The following TEX9 variants were observed in gnomAD, a reference collection of about 807,000 sequenced individuals.
The protein encoded by TEX9 is testis-expressed protein 9.
TEX9 carries 74 observed loss-of-function variants against 59.6 expected under a neutral mutation model. The ratio of observed to expected loss-of-function variants is 1.24; its 90% confidence interval spans 1.03 to 1.51. The LOEUF (loss-of-function observed/expected upper bound fraction) is 1.51. Ranked by LOEUF, TEX9 falls within the 40% of genes most tolerant of loss-of-function variation. The probability of loss-of-function intolerance (pLI) is 0.00; values close to 1 mark genes in which losing one functional copy is unlikely to be tolerated. For missense variants in TEX9, 522 were observed against 447.8 expected (o/e 1.17, Z -1.49); for synonymous variants, 186 against 152.2 (o/e 1.22, Z -1.64).
intron 1 of TEX9, among the ~76,000 whole-genome samples, chr15:56,256,776 G>A (rs1272843719): frequency 6.6e-6 from 1 of 151,940 alleles, no homozygotes; most frequent in Non-Finnish European, 1.5e-5. Context: ...TTATTTATTT[G>A]TTTCTTAAAA....
chr15:56,355,432 T>C (rs79116605), intron 1 of TEX9, among the ~76,000 whole-genome samples: 2,537 of 152,288 alleles, frequency 0.017, 69 homozygotes, highest in African/African-American at 0.057. Flanking sequence ...TTATTAAAAT[T>C]TGTGGGTCTA....
intron 12 of TEX9, chr15:56,443,650 C>T (rs1240188251): frequency 2.5e-6 from 4 of 1,612,520 alleles, no homozygotes; most frequent in Middle Eastern, 3.3e-4. Flanking sequence ...CATTCTGAAG[C>T]TGTAGCCTTT....
chr15:56,438,381 C>A (rs1341174645), intron 12 of TEX9, among the ~76,000 whole-genome samples: 1 of 151,978 alleles, frequency 6.6e-6, no homozygotes, highest in African/African-American at 2.4e-5. Flanking sequence ...CTGACAAAAA[C>A]AAGCAATAGG....
intron 1 of TEX9, among the ~76,000 whole-genome samples, chr15:56,330,903 G>A (rs1296559460): frequency 6.6e-6 from 1 of 152,012 alleles, no homozygotes; most frequent in Non-Finnish European, 1.5e-5. Flanking sequence ...ATGATCTGTT[G>A]CCTAAAAGAA....
At chr15:56,261,384 A>G (rs1352598273) in intron 1 of TEX9, among the ~76,000 whole-genome samples, 1 of 152,076 alleles carries the variant, frequency 6.6e-6, no homozygotes, top group African/African-American at 2.4e-5. Flanking sequence ...ATCCAATCAG[A>G]GAGAACCCAC....
chr15:56,377,164 A>G (rs1480251715), intron 3 of TEX9, among the ~76,000 whole-genome samples: 2 of 152,196 alleles, frequency 1.3e-5, no homozygotes, highest in African/African-American at 2.4e-5. Context: ...ATAGCACCAT[A>G]GTATAATTTG....
At chr15:56,339,361 T>G (rs2046320389) in intron 1 of TEX9, among the ~76,000 whole-genome samples, 1 of 104,944 alleles carries the variant, frequency 9.5e-6, no homozygotes, top group African/African-American at 4.1e-5. Flanking sequence ...GCAGCCTGGG[T>G]GTCAGAGCAA....
At chr15:56,328,803 G>T (rs1193978044) in intron 1 of TEX9, among the ~76,000 whole-genome samples, 1 of 152,076 alleles carries the variant, frequency 6.6e-6, no homozygotes, top group Non-Finnish European at 1.5e-5. Flanking sequence ...TAACATTTTT[G>T]ACTCCAGGCC....
At chr15:56,446,930 C>G, downstream of TEX9, 1 of 1,607,912 alleles carries the variant, frequency 6.2e-7, no homozygotes, top group Non-Finnish European at 8.5e-7. Flanking sequence ...TTCTCCAATT[C>G]TCTAAGCTCA....
chr15:56,399,781 A>G (rs1405416777), intron 9 of TEX9, among the ~76,000 whole-genome samples: 1 of 152,208 alleles, frequency 6.6e-6, no homozygotes, highest in Non-Finnish European at 1.5e-5. Flanking sequence ...TCAGCCAGCA[A>G]TATCTGCTGT....
rs79602628 is a variant in TEX9 at position 56,322,203 on chromosome 15, T to C, written c.-106-51238T>C. Among the ~76,000 whole-genome samples the C allele has an allele frequency of 2.2e-3, 335 of 152,008 alleles. 1 individual carries two copies. The highest frequency in any genetic ancestry group is 0.015 in the East Asian group (77 of 5,160). The stretch of plus-strand genomic sequence containing the variant: ...GGATCAGCAAGAATACCAGTGTGGA[T>C]AGAGAGGAGTAGGGAAGAAGTGAGG... On this transcript the variant is annotated intron_variant, in intron 1 of 5. Coordinates refer to the TEX9 transcript ENST00000560827.
intron 2 of TEX9, among the ~76,000 whole-genome samples, chr15:56,367,278 A>G (rs1202827862): frequency 6.6e-6 from 1 of 152,224 alleles, no homozygotes; most frequent in Non-Finnish European, 1.5e-5. Context: ...TCCCTACACT[A>G]CCTGAATCTT....
intron 12 of TEX9, chr15:56,443,562 A>G: frequency 6.4e-7 from 1 of 1,574,170 alleles, no homozygotes; most frequent in Non-Finnish European, 8.6e-7. Context: ...AAAAAACATA[A>G]ATATTTATAG....
chr15:56,245,023 C>T lies in TEX9; in HGVS notation c.-107+745C>T, dbSNP rs150998602. Reference sequence around the variant, plus strand: ...TCTTTGGGCCCGTGGGTGTTATGAGCCCTTCAGCTTTAACTTTTCTGATAG... The same window carrying T: ...TCTTTGGGCCCGTGGGTGTTATGAGTCCTTCAGCTTTAACTTTTCTGATAG... On this transcript the variant is annotated intron_variant, in intron 1 of 5. Coordinates refer to the TEX9 transcript ENST00000560827. Among the ~76,000 whole-genome samples, 532 of 152,208 alleles carry T rather than the reference C, an allele frequency of 3.5e-3. 4 individuals are homozygous for T. Among genetic ancestry groups the T allele is most frequent in the Non-Finnish European group, 5.5e-3 (372 of 68,010 alleles).
intron 4 of TEX9, among the ~76,000 whole-genome samples, chr15:56,385,747 A>G (rs1222417833): frequency 6.6e-6 from 1 of 152,046 alleles, no homozygotes; most frequent in Non-Finnish European, 1.5e-5. Context: ...AAAATATTAA[A>G]ACAACTATGG....
chr15:56,310,458 A>G (rs1437327081), intron 1 of TEX9, among the ~76,000 whole-genome samples: 3 of 152,194 alleles, frequency 2.0e-5, no homozygotes, highest in African/African-American at 7.2e-5. Flanking sequence ...ACAAAAAAAG[A>G]AACTCTGCTA....
chr15:56,450,243 A>AT (rs1457420780), downstream of TEX9, among the ~76,000 whole-genome samples: 5 of 152,082 alleles, frequency 3.3e-5, no homozygotes, highest in Non-Finnish European at 7.4e-5. Context: ...GTCCTATAAC[A>AT]TTTTTTATCA....
At chr15:56,303,109 G>T (rs2045399138) in intron 1 of TEX9, among the ~76,000 whole-genome samples, 1 of 152,186 alleles carries the variant, frequency 6.6e-6, no homozygotes, top group Non-Finnish European at 1.5e-5. Context: ...TACAATAATA[G>T]TTGGGGACTT....
the TEX9 span, among the ~76,000 whole-genome samples, chr15:56,454,418 T>C: frequency 6.6e-6 from 1 of 152,184 alleles, no homozygotes; most frequent in East Asian, 1.9e-4. Context: ...ATAGTCACCC[T>C]GCTGTGCTAT....
Sources: gnomAD v4.1 joint callset for allele counts (sites outside exome capture counted in the v4.1 genomes callset) on GRCh38, gnomAD v4.1.1 for gene constraint, MANE v1.5 for transcripts, NCBI Gene and HGNC (gene_info 2026-07-23, HGNC 2026-07-21) for gene names.